The following ZNF469 variants were observed in gnomAD, a reference collection of about 807,000 sequenced individuals.
ZNF469 encodes the protein zinc finger protein 469.
ZNF469 carries 1 observed loss-of-function variant against 1.0 expected under a neutral mutation model. The observed-to-expected ratio is 1.00, with a 90% CI of 0.35 to 4.73. The LOEUF is 4.73. ZNF469 is among the 30% of genes most tolerant of loss of function. The pLI is 0.16. For missense variants in ZNF469, 6,100 were observed against 5,356.3 expected (o/e 1.14, Z -4.33); for synonymous variants, 2,703 against 2,363.4 (o/e 1.14, Z -4.17).
At chr16:88,135,748 GTTTTTTTTTTTTT>G in the ZNF469 span, among the ~76,000 whole-genome samples, 3 of 66,926 alleles carry the variant, frequency 4.5e-5, no homozygotes, top group Non-Finnish European at 6.0e-5. Flanking sequence ...AGCTGGCCAT[GTTTTTTTTTTTTT>G]TTTTTTTTTT....
At chr16:88,381,297 CACAT>C (rs1250687861), upstream of ZNF469, among the ~76,000 whole-genome samples, 2 of 149,988 alleles carry the variant, frequency 1.3e-5, no homozygotes, top group East Asian at 2.0e-4. Flanking sequence ...CGCACTCACA[CACAT>C]GCACTCATGC....
At chr16:88,212,410 A>G in the ZNF469 span, among the ~76,000 whole-genome samples, 3 of 150,002 alleles carry the variant, frequency 2.0e-5, no homozygotes, top group African/African-American at 7.4e-5. Context: ...TTTTTACATC[A>G]TCTCATTTTC....
chr16:88,280,644 A>C, the ZNF469 span, among the ~76,000 whole-genome samples: 15,225 of 150,772 alleles, frequency 0.1, 2,610 homozygotes, highest in African/African-American at 0.35. Context: ...ATATCAGTGC[A>C]TGGGTTAGTG....
At chr16:88,362,032 C>T in the ZNF469 span, among the ~76,000 whole-genome samples, 1 of 152,190 alleles carries the variant, frequency 6.6e-6, no homozygotes, top group Admixed American at 6.5e-5. Flanking sequence ...CTGTTGCAGT[C>T]CCTGCTGTCT....
At chr16:88,150,656 G>A in the ZNF469 span, among the ~76,000 whole-genome samples, 1 of 151,776 alleles carries the variant, frequency 6.6e-6, no homozygotes, top group Non-Finnish European at 1.5e-5. Context: ...TGAAAATCCT[G>A]CCGGCCTGGG....
chr16:88,328,240 T>G, the ZNF469 span, among the ~76,000 whole-genome samples: 2 of 152,352 alleles, frequency 1.3e-5, no homozygotes, highest in East Asian at 3.9e-4. Flanking sequence ...TTTCTGCACG[T>G]GTACTGTATT....
the ZNF469 span, among the ~76,000 whole-genome samples, chr16:88,141,842 G>T: frequency 6.8e-4 from 104 of 152,206 alleles, no homozygotes; most frequent in African/African-American, 2.3e-3. Flanking sequence ...AGGCAGGAAA[G>T]GGATTCTTCC....
At chr16:88,303,509 A>G in the ZNF469 span, among the ~76,000 whole-genome samples, 1 of 151,928 alleles carries the variant, frequency 6.6e-6, no homozygotes, top group Admixed American at 6.6e-5. Flanking sequence ...CTCCCATGGA[A>G]CTCCACTGCC....
the ZNF469 span, among the ~76,000 whole-genome samples, chr16:88,235,084 G>A: frequency 0.011 from 1,611 of 152,106 alleles, 22 homozygotes; most frequent in African/African-American, 0.037. Flanking sequence ...GTGGGATCTG[G>A]CTTGGGAAGG....
chr16:88,103,318 C>T, the ZNF469 span, among the ~76,000 whole-genome samples: 1 of 152,276 alleles, frequency 6.6e-6, no homozygotes, highest in South Asian at 2.1e-4. Flanking sequence ...GCCATGAGAT[C>T]TCAAAGGCTG....
chr16:88,190,894 T>G, the ZNF469 span, among the ~76,000 whole-genome samples: 3 of 152,200 alleles, frequency 2.0e-5, no homozygotes, highest in Admixed American at 2.0e-4. Context: ...TTCCCAGGAG[T>G]GTCCGGAGGG....
At chr16:88,371,620 C>T in the ZNF469 span, among the ~76,000 whole-genome samples, 6 of 152,324 alleles carry the variant, frequency 3.9e-5, no homozygotes, top group African/African-American at 1.4e-4. Context: ...CATTCACACT[C>T]ATGCTTACAG....
the ZNF469 span, among the ~76,000 whole-genome samples, chr16:88,310,327 C>T: frequency 1.2e-4 from 19 of 152,270 alleles, no homozygotes; most frequent in East Asian, 3.7e-3. Flanking sequence ...GGCTAAGACA[C>T]AAGGCAGTGC....
the ZNF469 span, among the ~76,000 whole-genome samples, chr16:88,222,757 C>CA: frequency 1.1e-4 from 12 of 110,386 alleles, no homozygotes; most frequent in South Asian, 2.9e-4. Context: ...GACTCCATCC[C>CA]GAAAAAAAAA....
the ZNF469 span, among the ~76,000 whole-genome samples, chr16:88,239,699 ATATATATATATATATATTTTTTTTTTTT>A: frequency 0.058 from 707 of 12,218 alleles, 87 homozygotes; most frequent in Non-Finnish European, 0.07. Context: ...ATATATATAT[ATATATATATATATATATTTTTTTTTTTT>A]TTTTTTTTTT....
At chr16:88,114,008 G>A in the ZNF469 span, among the ~76,000 whole-genome samples, 7 of 152,158 alleles carry the variant, frequency 4.6e-5, no homozygotes, top group Non-Finnish European at 1.0e-4. Flanking sequence ...GATGTCCGGC[G>A]AGCACCATGG....
chr16:88,288,925 C>A, the ZNF469 span, among the ~76,000 whole-genome samples: 447 of 152,214 alleles, frequency 2.9e-3, no homozygotes, highest in African/African-American at 0.01. Context: ...TGACAAAGAG[C>A]ATAAAGCAGA....
the ZNF469 span, among the ~76,000 whole-genome samples, chr16:88,131,728 G>A: frequency 2.0e-5 from 3 of 152,248 alleles, no homozygotes; most frequent in Admixed American, 6.5e-5. Context: ...GCCACACGGC[G>A]TCCACTGCAT....
In ZNF469 at chr16:88,434,710, A is replaced by G; in HGVS notation, c.7240A>G (p.Thr2414Ala). Residue 2414 changes from threonine to alanine, a missense_variant, in exon 3 of 3, where the codon ACA becomes GCA. Coordinates refer to ENST00000565624, the MANE Select transcript of ZNF469 (RefSeq NM_001367624.2). ...GGGAAGAACCACAGCCCCAAGCAGC[A>G]CAGCCAGTGACTTCCAGTCTGACTC... The part of the protein sequence containing the change: ...GLGRTTAPSS[T>A]ASDFQSDSPQ... 1.3e-6 allele frequency: 2 copies of G among 1,550,360 alleles called. No homozygotes were observed. The highest frequency in any genetic ancestry group is 8.7e-7 in the Non-Finnish European group (1 of 1,146,968).
Sources: gnomAD v4.1 joint callset for allele counts (sites outside exome capture counted in the v4.1 genomes callset) on GRCh38, gnomAD v4.1.1 for gene constraint, MANE v1.5 for transcripts, NCBI Gene and HGNC (gene_info 2026-07-23, HGNC 2026-07-21) for gene names.